PLXNA2: variants seen among roughly 807,000 people sequenced by gnomAD.
PLXNA2 encodes the protein plexin-A2.
A neutral mutation model predicts 193.5 loss-of-function variants in PLXNA2; 91 were observed. The ratio of observed to expected loss-of-function variants is 0.47; its 90% CI spans 0.40 to 0.56. The LOEUF is 0.56. Among genes scored for constraint, PLXNA2 ranks in the 20% least tolerant of loss-of-function variants. PLXNA2 has a pLI of 0.00. For missense variants in PLXNA2, 1,995 were observed against 2,503.2 expected (o/e 0.80, Z 4.33); for synonymous variants, 997 against 1,027.3 (o/e 0.97, Z 0.56).
chr1:208,207,530 C>T (rs1230792839), intron 3 of PLXNA2, among the ~76,000 whole-genome samples: 1 of 152,224 alleles, frequency 6.6e-6, no homozygotes. Context: ...CCTGTTCCTA[C>T]AGACCACAGT....
chr1:208,119,663 G>A lies in PLXNA2; in HGVS notation c.1507-16416C>T, dbSNP rs187461590. Among the ~76,000 whole-genome samples, 578 of 152,294 alleles carry A rather than the reference G, an allele frequency of 3.8e-3. 5 individuals carry two copies. Among genetic ancestry groups the A allele is most frequent in the African/African-American group, 0.014 (570 of 41,566 alleles). On this transcript the variant is annotated intron_variant, in intron 4 of 31. Transcript: ENST00000367033. ...CTTGCTCTGTCACCCAGGCTAGAGT[G>A]CAGTGGCACAGTCTCAGCTCACTGC...
At position 208,038,752 on chromosome 1, in the gene PLXNA2, GT is replaced by G. The variant is rs796151712; in HGVS notation, c.4660+72del. The G allele has an allele frequency of 1.0e-5, 15 of 1,477,374 alleles. No homozygotes were observed. The African/African-American group carries it at 1.9e-4, about 19-fold the overall frequency. The allele number at this position is 1,477,374 out of a possible 1,614,324, so 91.5% of individuals were successfully genotyped here. On this transcript the variant is annotated intron_variant, in intron 25 of 31. Coordinates refer to ENST00000367033, the MANE Select transcript of PLXNA2 (RefSeq NM_025179.4). The surrounding 1 kb of genome is among the most constrained non-coding windows in gnomAD (Gnocchi z 4.1). ...AGGACACAGTCATGCCCCTGCAAGG[GT>G]TGTGTGCATGGCAGCTTCCCTTCCT... is the stretch of plus-strand genomic sequence containing the variant.
At chr1:208,158,395 A>G (rs1669003633) in intron 3 of PLXNA2, among the ~76,000 whole-genome samples, 1 of 152,086 alleles carries the variant, frequency 6.6e-6, no homozygotes, top group Admixed American at 6.5e-5. Flanking sequence ...ATACATACAC[A>G]TGACCTCTCC....
chr1:208,239,230 C>A (rs1027908981), intron 1 of PLXNA2, among the ~76,000 whole-genome samples: 1 of 151,930 alleles, frequency 6.6e-6, no homozygotes, highest in Non-Finnish European at 1.5e-5. Context: ...GTGGAGATAA[C>A]CTGCTACTTC....
intron 28 of PLXNA2, chr1:208,032,292 C>A: frequency 4.3e-6 from 1 of 230,898 alleles, no homozygotes; most frequent in Non-Finnish European, 7.1e-6. Context: ...AGGCAGAGTG[C>A]TGATCCACAG....
At position 208,187,131 on chromosome 1, in the gene PLXNA2, C is replaced by T. The variant is rs767739446; in HGVS notation, c.1371+23149G>A. The stretch of plus-strand genomic sequence containing the variant: ...AATTTTGAACCAGAATTACATGCAG[C>T]TTGCTGTGTCTCTGGACAAATATCT... On this transcript the variant is annotated intron_variant, in intron 3 of 31. Coordinates refer to ENST00000367033, the MANE Select transcript of PLXNA2 (RefSeq NM_025179.4). 2.2e-4 allele frequency among the ~76,000 whole-genome samples: 33 copies of T among 152,150 alleles called. 1 individual carries two copies. The highest frequency in any genetic ancestry group is 8.8e-5 in the Non-Finnish European group (6 of 68,028).
In PLXNA2 at chr1:208,044,565, G is replaced by T; in HGVS notation, c.3817C>A (p.Arg1273=). 2 of 1,614,094 alleles carry T rather than the reference G, an allele frequency of 1.2e-6. No individual in the cohort carries two copies. Among genetic ancestry groups the T allele is most frequent in the Non-Finnish European group, 8.5e-7 (1 of 1,180,008 alleles). Residue 1273 remains arginine, a synonymous_variant, in exon 20 of 32, where the codon CGG becomes AGG. Coordinates refer to ENST00000367033, the MANE Select transcript of PLXNA2 (RefSeq NM_025179.4). This position sits in a 1 kb window ranked among gnomAD's most constrained non-coding sequence, Gnocchi z 4.9. ...AGATTGTCCATCTGCATTTGCAGCC[G>T]CTTGAGAGTGAGGTCATTTTCTCGA... The part of the protein sequence containing the change: ...KSRENDLTLK[R]LQMQMDNLES...
At chr1:208,140,534 C>T (rs1279898281) in intron 4 of PLXNA2, among the ~76,000 whole-genome samples, 3 of 151,978 alleles carry the variant, frequency 2.0e-5, no homozygotes, top group African/African-American at 4.8e-5. Context: ...GTCTATTTAA[C>T]CTCTGCTCAT....
intron 1 of PLXNA2, among the ~76,000 whole-genome samples, chr1:208,219,873 C>A (rs1279776985): frequency 6.6e-6 from 1 of 152,244 alleles, no homozygotes; most frequent in Admixed American, 6.5e-5. Flanking sequence ...CAGGCGCACA[C>A]CGGCAAAGCC....
intron 3 of PLXNA2, among the ~76,000 whole-genome samples, chr1:208,198,316 T>G (rs907418204): frequency 6.6e-6 from 1 of 152,154 alleles, no homozygotes; most frequent in African/African-American, 2.4e-5. Context: ...CAGCTCTGAA[T>G]GGGTATGACT....
chr1:208,176,340 C>A (rs1669660240), intron 3 of PLXNA2, among the ~76,000 whole-genome samples: 1 of 152,110 alleles, frequency 6.6e-6, no homozygotes, highest in Non-Finnish European at 1.5e-5. Context: ...TGCCTGTATC[C>A]ACATCTGCCC....
intron 12 of PLXNA2, among the ~76,000 whole-genome samples, chr1:208,065,725 A>G (rs942570639): frequency 1.4e-4 from 22 of 152,178 alleles, no homozygotes; most frequent in Non-Finnish European, 2.9e-4. Flanking sequence ...CCGAAGCCTG[A>G]GCTTGGGCAG....
At chr1:208,037,502 T>C (rs2102310272) in intron 26 of PLXNA2, among the ~76,000 whole-genome samples, 1 of 152,352 alleles carries the variant, frequency 6.6e-6, no homozygotes, top group South Asian at 2.1e-4. Flanking sequence ...GAGGATGTTA[T>C]TAATCAGACG....
chr1:208,059,009 C>T (rs1160005700), intron 13 of PLXNA2, among the ~76,000 whole-genome samples: 2 of 152,116 alleles, frequency 1.3e-5, no homozygotes, highest in South Asian at 2.1e-4. Flanking sequence ...GCCTTACCTC[C>T]CACCCTCACC....
chr1:208,148,259 A>T (rs1399569233), intron 3 of PLXNA2, among the ~76,000 whole-genome samples: 1 of 151,738 alleles, frequency 6.6e-6, no homozygotes, highest in Non-Finnish European at 1.5e-5. Context: ...TAGTAGTAGT[A>T]GCAGTAGCAG....
chr1:208,112,587 T>C (rs1033443106), intron 4 of PLXNA2, among the ~76,000 whole-genome samples: 3 of 152,140 alleles, frequency 2.0e-5, no homozygotes, highest in African/African-American at 7.2e-5. Flanking sequence ...AGTGCTAGCA[T>C]GGAAAAGCTG....
chr1:208,112,758 C>T (rs1420658898), intron 4 of PLXNA2, among the ~76,000 whole-genome samples: 1 of 152,060 alleles, frequency 6.6e-6, no homozygotes, highest in African/African-American at 2.4e-5. Context: ...ATTAAATAAT[C>T]CCAGTGTTGG....
At chr1:208,198,915 G>T (rs1264329194) in intron 3 of PLXNA2, among the ~76,000 whole-genome samples, 1 of 152,234 alleles carries the variant, frequency 6.6e-6, no homozygotes, top group Admixed American at 6.5e-5. Context: ...GCCTCAGCTT[G>T]TTATATGTAA....
chr1:208,204,989 C>A (rs1198515208), intron 3 of PLXNA2, among the ~76,000 whole-genome samples: 1 of 152,182 alleles, frequency 6.6e-6, no homozygotes, highest in Non-Finnish European at 1.5e-5. Context: ...AACACTACCC[C>A]CCAGCTTCTG....
Sources: allele counts gnomAD v4.1 joint callset (sites outside exome capture counted in the v4.1 genomes callset), GRCh38; gene constraint gnomAD v4.1.1; non-coding constraint Gnocchi (gnomAD v3.1); transcripts MANE v1.5; gene names NCBI Gene and HGNC (gene_info 2026-07-23, HGNC 2026-07-21).